The following RBM25 variants were observed in gnomAD, a reference collection of about 807,000 sequenced individuals.
RBM25 encodes the protein RNA binding motif protein 25.
In RBM25, 19 loss-of-function variants were observed where a neutral mutation model predicts 120.7. The ratio of observed to expected loss-of-function variants is 0.16; its 90% CI spans 0.11 to 0.23. The LOEUF (loss-of-function observed/expected upper bound fraction) is 0.23, where lower values mean the gene tolerates loss of function less well. Ranked by LOEUF, RBM25 falls within the 10% of genes least tolerant of loss-of-function variation. The probability of loss-of-function intolerance (pLI) is 1.00; values close to 1 mark genes in which losing one functional copy is unlikely to be tolerated. For missense variants in RBM25, 605 were observed against 1,041.5 expected (o/e 0.58, Z 5.77); for synonymous variants, 390 against 326.7 (o/e 1.19, Z -2.09).
Position 73,100,503 on chromosome 14 carries a change from T to C in RBM25, c.867+753T>C. ...TTTGCCTATTTGAAGCTTCTCTCAA[T>C]GACAGTGCATCTGTGAATGTTCGCT... On this transcript the variant is annotated intron_variant, in intron 9 of 18. Coordinates refer to ENST00000261973, the MANE Select transcript of RBM25 (RefSeq NM_021239.3). 3 of 483,884 alleles carry C rather than the reference T, an allele frequency of 6.2e-6. 1 individual carries two copies. The highest frequency in any genetic ancestry group is 2.0e-5 in the African/African-American group (1 of 51,258). 30.0% of individuals were successfully genotyped at this position (483,884 alleles called of 1,614,324 possible).
At chr14:73,098,613 G>A (rs555386506) in intron 7 of RBM25, among the ~76,000 whole-genome samples, 2 of 152,050 alleles carry the variant, frequency 1.3e-5, no homozygotes, top group South Asian at 2.1e-4. Context: ...GTGTTTCCTC[G>A]TTTGGTCATA....
chr14:73,071,240 C>CA (rs11325196), intron 1 of RBM25, among the ~76,000 whole-genome samples: 12,920 of 108,712 alleles, frequency 0.12, 751 homozygotes, highest in East Asian at 0.28. Flanking sequence ...GACTCTGTCT[C>CA]AAAAAAAAAA....
chr14:73,088,667 C>T (rs1485319137), intron 6 of RBM25, among the ~76,000 whole-genome samples: 1 of 152,168 alleles, frequency 6.6e-6, no homozygotes, highest in African/African-American at 2.4e-5. Flanking sequence ...TTATTACCTC[C>T]TCAGCAAAGT....
At position 73,111,060 on chromosome 14, in the gene RBM25, A is replaced by C; in HGVS notation, c.1922A>C (p.Glu641Ala). The C allele has an allele frequency of 6.2e-7, 1 of 1,614,200 alleles. No homozygotes were observed. The highest frequency in any genetic ancestry group is 8.5e-7 in the Non-Finnish European group (1 of 1,180,040). ...GCAACACCTAACACTCCTGGGGATG[A>C]GTCTCCCTGTGGTATTATTATTCCT... Reference protein sequence around the residue: ...GNATPNTPGDESPCGIIIPHE... With the variant: ...GNATPNTPGDASPCGIIIPHE... The change falls in exon 15 of 19, where the codon GAG (glutamate) becomes GCG (alanine). Residue 641 changes from glutamate (E) to alanine (A), a missense_variant. Physicochemically the swap from Glu to Ala is moderately radical, Grantham distance 107. This residue lies in a region of RBM25 where 465 missense variants were observed against 741.6 expected (regional missense o/e 0.63). Transcript: ENST00000261973.
At chr14:73,104,207 C>T (rs1397098159) in intron 10 of RBM25, among the ~76,000 whole-genome samples, 6 of 151,958 alleles carry the variant, frequency 3.9e-5, no homozygotes, top group Non-Finnish European at 5.9e-5. Flanking sequence ...TCTAGCACCA[C>T]GTCTTTTTAG....
chr14:73,085,807 A>G (rs151276644), intron 5 of RBM25, among the ~76,000 whole-genome samples: 9 of 152,288 alleles, frequency 5.9e-5, no homozygotes, highest in Non-Finnish European at 1.3e-4. Flanking sequence ...TCTTAAAACA[A>G]TGAGTTGCTA....
Position 73,103,984 on chromosome 14 carries a change from A to T in RBM25, c.1154+506A>T, listed in dbSNP as rs1319536716. On this transcript the variant is annotated intron_variant, in intron 10 of 18. Coordinates refer to ENST00000261973, the MANE Select transcript of RBM25 (RefSeq NM_021239.3). ...CACACACACACACACACACACACAC[A>T]CACACACACACTCTCTCTCTCTCTC... 9.9e-4 allele frequency among the ~76,000 whole-genome samples: 114 copies of T among 114,838 alleles called. 1 individual carries two copies. Among genetic ancestry groups the T allele is most frequent in the South Asian group, 2.6e-3 (9 of 3,506 alleles). 75.3% of individuals were successfully genotyped at this position (114,838 alleles called of 152,430 possible).
At chr14:73,097,166 T>C (rs756845529) in intron 7 of RBM25, 66 bp downstream of exon 7, 2 of 1,063,198 alleles carry the variant, frequency 1.9e-6, no homozygotes, top group Non-Finnish European at 2.5e-6. Flanking sequence ...TCTTATACTT[T>C]GATTACATGT....
Position 73,077,400 on chromosome 14 carries a change from A to G in RBM25, c.188A>G (p.Lys63Arg). ...GTACCCACTGTGTCTATGGTTGGAA[A>G]GCATTTGGGCGCAAGAAAGGATCAT... ...VLVPTVSMVGKHLGARKDHPG... is the reference protein window; with the variant it reads ...VLVPTVSMVGRHLGARKDHPG... Residue 63 changes from lysine to arginine, a missense_variant, in exon 4 of 19, where the codon AAG (lysine) becomes AGG (arginine). By Grantham distance (26) the Lys-to-Arg change is conservative (BLOSUM62 2). This residue lies in a region of RBM25 where 90 missense variants were observed against 107.3 expected (regional missense o/e 0.84). Coordinates refer to ENST00000261973, the MANE Select transcript of RBM25 (RefSeq NM_021239.3). 6.2e-7 allele frequency: 1 copy of G among 1,613,858 alleles called. No homozygotes were observed. Among genetic ancestry groups the G allele is most frequent in the Non-Finnish European group, 8.5e-7 (1 of 1,179,824 alleles).
At chr14:73,081,358 G>C (rs910407240) in intron 4 of RBM25, among the ~76,000 whole-genome samples, 1 of 152,140 alleles carries the variant, frequency 6.6e-6, no homozygotes, top group African/African-American at 2.4e-5. Context: ...GACTGGTCTC[G>C]AACTTTTGAC....
In RBM25 at chr14:73,110,418, CT is replaced by C. The variant is rs907253897; in HGVS notation, c.1693-403del. 1.1e-4 allele frequency among the ~76,000 whole-genome samples: 16 copies of C among 147,254 alleles called. No homozygotes were observed. In the South Asian group the frequency reaches 1.8e-3, roughly 16 times the overall value. ...CCAGGATTGAGCCACTGCCCATGTC[CT>C]TTTTTTTTTCTTTTTCTTTTTCTTT... On this transcript the variant is annotated intron_variant, in intron 14 of 18. Transcript: ENST00000261973.
chr14:73,068,736 C>G (rs1175942164), intron 1 of RBM25: 3 of 283,254 alleles, frequency 1.1e-5, no homozygotes, highest in Non-Finnish European at 2.1e-5. Flanking sequence ...GCCACCCCCT[C>G]TCCTAATTTT....
At chr14:73,065,458 C>T (rs1220468467) in intron 1 of RBM25, among the ~76,000 whole-genome samples, 1 of 138,458 alleles carries the variant, frequency 7.2e-6, no homozygotes, top group Non-Finnish European at 1.6e-5. Flanking sequence ...CTGAGTCTTG[C>T]TCTGTCGCCA....
In RBM25 at chr14:73,120,096, G is replaced by A; in HGVS notation, c.*291G>A. The A allele has an allele frequency of 4.8e-6, 1 of 207,058 alleles. No homozygotes were observed. The highest frequency in any genetic ancestry group is 8.5e-5 in the South Asian group (1 of 11,750). 12.8% of individuals were successfully genotyped at this position (207,058 alleles called of 1,614,324 possible). On this transcript the variant is annotated 3_prime_UTR_variant, in exon 19 of 19. Coordinates refer to ENST00000261973, the MANE Select transcript of RBM25 (RefSeq NM_021239.3). ...TGATATAATCTTGTTCTGCTGATTT[G>A]TTTCTTGTAAATATTAAAACGACTC...
rs1457848430 is a variant in RBM25, at chr14:73,097,191, CTTTTCTTTTTTTT to C, written c.729+96_729+108del. ...TGATTACATGTCAGTTTTCTTTTTT[CTTTTCTTTTTTTT>C]TTTTTTTTTTTTTTGAGATGGAGGC... On this transcript the variant is annotated intron_variant, in intron 7 of 18. Coordinates refer to ENST00000261973, the MANE Select transcript of RBM25 (RefSeq NM_021239.3). The C allele has an allele frequency of 3.7e-5, 14 of 375,738 alleles. 1 individual carries two copies. In the South Asian group the frequency reaches 1.2e-3, roughly 33 times the overall value. The allele number at this position is 375,738 out of a possible 1,614,324, so 23.3% of individuals were successfully genotyped here.
At chr14:73,090,973 AAG>A (rs1371940443) in intron 6 of RBM25, among the ~76,000 whole-genome samples, 1 of 152,254 alleles carries the variant, frequency 6.6e-6, no homozygotes, top group Non-Finnish European at 1.5e-5. Context: ...TGTTTGAAAT[AAG>A]AATTTTCAGG....
At chr14:73,071,947 T>G (rs995625599) in intron 2 of RBM25, among the ~76,000 whole-genome samples, 200 bp downstream of exon 2, 7 of 152,152 alleles carry the variant, frequency 4.6e-5, no homozygotes, top group Admixed American at 4.6e-4. Context: ...AATTTTTTTT[T>G]TTCTTCTCAT....
At chr14:73,074,835 A>G (rs12890939) in intron 2 of RBM25, among the ~76,000 whole-genome samples, 21,315 of 151,032 alleles carry the variant, frequency 0.14, 1,797 homozygotes, top group South Asian at 0.24. Flanking sequence ...TCTCCCTAAT[A>G]ACTGGGATTA....
Position 73,119,905 on chromosome 14 carries a change from A to ATTT in RBM25, c.*110_*112dup. 1.1e-5 allele frequency: 12 copies of ATTT among 1,124,726 alleles called. No individual in the cohort carries two copies. Among genetic ancestry groups the ATTT allele is most frequent in the Admixed American group, 3.3e-5 (1 of 30,598 alleles). 69.7% of individuals were successfully genotyped at this position (1,124,726 alleles called of 1,614,324 possible). On this transcript the variant is annotated 3_prime_UTR_variant, in exon 19 of 19. Coordinates refer to ENST00000261973, the MANE Select transcript of RBM25 (RefSeq NM_021239.3). The stretch of plus-strand genomic sequence containing the variant: ...CTTTGAAGACATTGTGAGATCTGTA[A>ATTT]TTTTTTTTTTTTGTAGAAAATGTGA...
Sources: gnomAD v4.1 joint callset for allele counts (sites outside exome capture counted in the v4.1 genomes callset) on GRCh38, gnomAD v4.1.1 for gene constraint, gnomAD v4.1.1 regional missense constraint, MANE v1.5 for transcripts, NCBI Gene and HGNC (gene_info 2026-07-23, HGNC 2026-07-21) for gene names.